The following RFX4 variants were observed in gnomAD, a reference collection of about 807,000 sequenced individuals.
RFX4 encodes the protein transcription factor RFX4.
In RFX4, 10 loss-of-function variants were observed where a neutral mutation model predicts 95.0. The observed-to-expected ratio is 0.11, with a 90% CI of 0.06 to 0.18. RFX4 has a LOEUF of 0.18. RFX4 is among the 10% of genes least tolerant of loss of function. The probability of loss-of-function intolerance (pLI) is 1.00; values close to 1 mark genes in which losing one functional copy is unlikely to be tolerated. For synonymous variants in RFX4, 321 were observed against 340.7 expected (o/e 0.94, Z 0.64); for missense variants, 640 against 922.0 (o/e 0.69, Z 3.96).
intron 4 of RFX4, among the ~76,000 whole-genome samples, chr12:106,665,483 C>A (rs533429231): frequency 1.3e-5 from 2 of 151,786 alleles, no homozygotes; most frequent in South Asian, 4.1e-4. Context: ...CCATGATCTT[C>A]GAAGTAATTA....
At chr12:106,662,820 TCTTTA>T (rs2137343449) in intron 4 of RFX4, among the ~76,000 whole-genome samples, 1 of 152,282 alleles carries the variant, frequency 6.6e-6, no homozygotes, top group East Asian at 1.9e-4. Flanking sequence ...TAAAAGATTA[TCTTTA>T]CTTCATTTAT....
chr12:106,720,948 A>C lies in RFX4; in HGVS notation c.1351+72A>C. On this transcript the variant is annotated intron_variant, in intron 13 of 17. Coordinates refer to ENST00000392842, the MANE Select transcript of RFX4 (RefSeq NM_213594.3). This position sits in a 1 kb window ranked among gnomAD's most constrained non-coding sequence, Gnocchi z 4.2. ...GGCACGGAGCCCAGAGGAATCTACC[A>C]CAGTCTAACTTGCTGTTTCTGCAAG... The C allele has an allele frequency of 7.6e-7, 1 of 1,307,682 alleles. No homozygotes were observed. Among genetic ancestry groups the C allele is most frequent in the Non-Finnish European group, 1.1e-6 (1 of 906,170 alleles). The allele number at this position is 1,307,682 out of a possible 1,614,324, so 81.0% of individuals were successfully genotyped here.
chr12:106,742,674 A>G, intron 15 of RFX4, among the ~76,000 whole-genome samples: 1 of 152,200 alleles, frequency 6.6e-6, no homozygotes, highest in African/African-American at 2.4e-5. Flanking sequence ...AGTGATTCAA[A>G]TACACATTCA....
At chr12:106,749,666 G>A (rs1171405296) in intron 16 of RFX4, among the ~76,000 whole-genome samples, 1 of 152,162 alleles carries the variant, frequency 6.6e-6, no homozygotes, top group Non-Finnish European at 1.5e-5. Context: ...GAAGAACAGT[G>A]ATAATAATAG....
Position 106,641,815 on chromosome 12 carries a change from A to G in RFX4, c.191+2423A>G, listed in dbSNP as rs181416583. On this transcript the variant is annotated intron_variant, in intron 3 of 17. Transcript: ENST00000392842. ...AGAATTTCAGTCATTAACTAATTCA[A>G]TAAATGTTTACTGAGCACCTGGTAT... 2.8e-4 allele frequency among the ~76,000 whole-genome samples: 43 copies of G among 152,308 alleles called. No individual in the cohort carries two copies. The East Asian group carries it at 7.2e-3, about 25-fold the overall frequency.
chr12:106,704,201 T>C (rs2042042125), intron 8 of RFX4, among the ~76,000 whole-genome samples: 1 of 152,158 alleles, frequency 6.6e-6, no homozygotes, highest in Non-Finnish European at 1.5e-5. Context: ...AAATGTTGAT[T>C]GATTACTACA....
intron 3 of RFX4, among the ~76,000 whole-genome samples, chr12:106,653,940 A>C (rs1173594824): frequency 6.6e-6 from 1 of 152,196 alleles, no homozygotes; most frequent in Non-Finnish European, 1.5e-5. Context: ...TGATCTAGCC[A>C]GAACAAGGCC....
At chr12:106,685,043 T>C (rs1224016758) in intron 5 of RFX4, 12 of 1,473,318 alleles carry the variant, frequency 8.1e-6, no homozygotes, top group South Asian at 7.9e-5. Context: ...TGTATCTCCA[T>C]GGGTAGAGAA....
intron 13 of RFX4, among the ~76,000 whole-genome samples, chr12:106,726,938 A>G (rs2042511237): frequency 6.6e-6 from 1 of 152,000 alleles, no homozygotes; most frequent in Middle Eastern, 3.2e-3. Flanking sequence ...CGCCCAGCTA[A>G]TTTTTGTATT....
At chr12:106,614,799 A>G (rs1344951850) in intron 2 of RFX4, among the ~76,000 whole-genome samples, 3 of 152,020 alleles carry the variant, frequency 2.0e-5, no homozygotes, top group Non-Finnish European at 4.4e-5. Flanking sequence ...GTGAGCCACC[A>G]CGCCTGGCCG....
intron 16 of RFX4, among the ~76,000 whole-genome samples, chr12:106,749,126 G>C (rs1387083097): frequency 6.6e-6 from 1 of 150,742 alleles, no homozygotes; most frequent in Non-Finnish European, 1.5e-5. Context: ...GGGCATGGTG[G>C]GTGCCTGTAG....
chr12:106,737,184 T>G (rs1322218213), intron 15 of RFX4, among the ~76,000 whole-genome samples: 6 of 129,950 alleles, frequency 4.6e-5, no homozygotes, highest in South Asian at 2.6e-4. Flanking sequence ...TTTTTTTTTT[T>G]TTTTTTTTTT....
intron 4 of RFX4, among the ~76,000 whole-genome samples, chr12:106,673,525 GC>G (rs1427592518): frequency 1.3e-5 from 2 of 152,186 alleles, no homozygotes; most frequent in African/African-American, 2.4e-5. Flanking sequence ...GGAAGAAAGA[GC>G]AAAAGGTCTT....
At chr12:106,611,406 C>T (rs1389079167) in intron 2 of RFX4, among the ~76,000 whole-genome samples, 2 of 149,110 alleles carry the variant, frequency 1.3e-5, no homozygotes, top group East Asian at 2.0e-4. Flanking sequence ...GTGAAGTTTT[C>T]GCCTTTTTTT....
intron 3 of RFX4, among the ~76,000 whole-genome samples, chr12:106,648,757 C>T (rs2040803546): frequency 6.6e-6 from 1 of 151,566 alleles, no homozygotes; most frequent in Admixed American, 6.6e-5. Flanking sequence ...GATCATGCTG[C>T]CCCCATGCTA....
intron 16 of RFX4, among the ~76,000 whole-genome samples, chr12:106,749,800 G>A (rs1340892813): frequency 6.6e-6 from 1 of 152,166 alleles, no homozygotes; most frequent in Non-Finnish European, 1.5e-5. Flanking sequence ...CAGCTAGAAA[G>A]TCGTGGAGCC....
intron 3 of RFX4, among the ~76,000 whole-genome samples, chr12:106,643,442 TTAGA>T (rs2040677210): frequency 6.6e-6 from 1 of 152,176 alleles, no homozygotes. Context: ...GACATTAAAC[TTAGA>T]TAGGAACAGT....
At chr12:106,752,024 C>G (rs2043016349) in intron 17 of RFX4, among the ~76,000 whole-genome samples, 1 of 145,924 alleles carries the variant, frequency 6.9e-6, no homozygotes, top group Non-Finnish European at 1.5e-5. Context: ...TGCCTATGTC[C>G]TGAATGGTAA....
intron 13 of RFX4, among the ~76,000 whole-genome samples, chr12:106,728,871 G>T (rs1266780764): frequency 6.6e-6 from 1 of 152,178 alleles, no homozygotes; most frequent in Non-Finnish European, 1.5e-5. Flanking sequence ...TAGCACAATG[G>T]TAAGCAGGTA....
Sources: gnomAD v4.1 joint callset for allele counts (sites outside exome capture counted in the v4.1 genomes callset) on GRCh38, gnomAD v4.1.1 for gene constraint, Gnocchi (gnomAD v3.1) non-coding constraint, MANE v1.5 for transcripts, NCBI Gene and HGNC (gene_info 2026-07-23, HGNC 2026-07-21) for gene names.